CDKL4: variants seen among roughly 807,000 people sequenced by gnomAD.
CDKL4 encodes cyclin-dependent kinase-like 4.
In CDKL4, 44 loss-of-function variants were observed where a neutral mutation model predicts 42.0. That is an observed-to-expected ratio of 1.05 (90% CI 0.82 to 1.35). CDKL4 has a LOEUF of 1.35. Among genes scored for constraint, CDKL4 ranks in the 40% most tolerant of loss-of-function variants. The probability of loss-of-function intolerance (pLI) is 0.00; values close to 1 mark genes in which losing one functional copy is unlikely to be tolerated. For synonymous variants in CDKL4, 120 were observed against 121.6 expected, an observed-to-expected ratio of 0.99 and a Z score of 0.09; for missense variants, 393 against 369.9, an observed-to-expected ratio of 1.06 and a Z score of -0.51.
intron 5 of CDKL4, among the ~76,000 whole-genome samples, chr2:39,196,340 C>G (rs1377901056): frequency 1.3e-5 from 2 of 152,166 alleles, no homozygotes; most frequent in Admixed American, 6.5e-5. Context: ...GATCACATCA[C>G]GGGACTCTTT....
At chr2:39,180,686 C>CTTT (rs1167370938) in intron 8 of CDKL4, among the ~76,000 whole-genome samples, 39 of 121,062 alleles carry the variant, frequency 3.2e-4, no homozygotes, top group African/African-American at 6.4e-4. Context: ...GAGAGAAAGA[C>CTTT]TTTTTTTTTT....
downstream of CDKL4, among the ~76,000 whole-genome samples, chr2:39,175,288 T>C (rs1476480141): frequency 1.3e-5 from 2 of 152,196 alleles, no homozygotes; most frequent in South Asian, 2.1e-4. Flanking sequence ...AATGGTGATA[T>C]AGCAAAGGAC....
intron 1 of CDKL4, among the ~76,000 whole-genome samples, chr2:39,230,313 C>T (rs112290956): frequency 0.026 from 3,931 of 152,346 alleles, 70 homozygotes; most frequent in African/African-American, 0.038. Flanking sequence ...CATTGCACTC[C>T]AGCTTGGGCA....
chr2:39,179,022 T>C, intron 9 of CDKL4, 165 bp downstream of exon 9: 1 of 1,470,990 alleles, frequency 6.8e-7, no homozygotes, highest in South Asian at 1.5e-5. Flanking sequence ...CATAGTTCTA[T>C]GGTTTTATTA....
chr2:39,185,415 C>T (rs149416421), intron 7 of CDKL4, among the ~76,000 whole-genome samples: 9 of 6,330 alleles, frequency 1.4e-3, no homozygotes, highest in Non-Finnish European at 5.6e-3. Flanking sequence ...TGTATATATA[C>T]ATATATATAT....
At chr2:39,204,874 T>C (rs1433704504) in intron 4 of CDKL4, among the ~76,000 whole-genome samples, 1 of 152,162 alleles carries the variant, frequency 6.6e-6, no homozygotes, top group African/African-American at 2.4e-5. Context: ...TGTCTTTTTT[T>C]TTTTTTAAAG....
downstream of CDKL4, among the ~76,000 whole-genome samples, chr2:39,170,857 A>G (rs1243366967): frequency 6.6e-6 from 1 of 152,138 alleles, no homozygotes; most frequent in Non-Finnish European, 1.5e-5. Flanking sequence ...GAATTCTGTG[A>G]CCAGGATTAG....
At chr2:39,221,013 G>GTTGTTTTTGT in intron 3 of CDKL4, among the ~76,000 whole-genome samples, 1 of 73,774 alleles carries the variant, frequency 1.4e-5, no homozygotes, top group Non-Finnish European at 2.5e-5. Context: ...TTTTTTTTTT[G>GTTGTTTTTGT]TTTTGTTTTT....
intron 4 of CDKL4, among the ~76,000 whole-genome samples, chr2:39,209,396 T>G (rs1166846938): frequency 6.6e-6 from 1 of 151,766 alleles, no homozygotes; most frequent in African/African-American, 2.4e-5. Context: ...TATATAAAAA[T>G]CCCTGGGTTC....
chr2:39,224,043 ATATT>A (rs1434206605), intron 3 of CDKL4, among the ~76,000 whole-genome samples: 1 of 152,214 alleles, frequency 6.6e-6, no homozygotes, highest in Non-Finnish European at 1.5e-5. Context: ...TTGAATAAAT[ATATT>A]TATTAATTGG....
In CDKL4 at chr2:39,178,829, G is replaced by T. The variant is rs1675277322; in HGVS notation, c.927+358C>A. The T allele has an allele frequency of 2.0e-6, 3 of 1,529,318 alleles. No homozygotes were observed. The South Asian group carries it at 3.8e-5, about 19-fold the overall frequency. 94.7% of individuals were successfully genotyped at this position (1,529,318 alleles called of 1,614,324 possible). A position where few individuals can be genotyped will look rare whatever the true frequency, so the allele number is the denominator to read the frequency against. ...TCTGGAGGCTACAGAAAGGCACTTG[G>T]ATTCCTTTGCAATGCTGGCAAAACT... On this transcript the variant is annotated intron_variant, in intron 9 of 9. Coordinates refer to ENST00000451199, the Ensembl canonical transcript of CDKL4.
chr2:39,170,760 G>C (rs935989671), downstream of CDKL4, among the ~76,000 whole-genome samples: 1 of 151,866 alleles, frequency 6.6e-6, no homozygotes, highest in East Asian at 1.9e-4. Flanking sequence ...TGGTCCCCCA[G>C]TTTTTTAAGG....
chr2:39,176,184 G>C, intron 9 of CDKL4, 88 bp from the exon 10 acceptor site: 1 of 383,858 alleles, frequency 2.6e-6, no homozygotes, highest in East Asian at 7.4e-5. Flanking sequence ...AAGACAAGCA[G>C]ATACTTATGG....
chr2:39,195,003 T>C (rs1459187650), intron 5 of CDKL4, among the ~76,000 whole-genome samples: 2 of 152,126 alleles, frequency 1.3e-5, no homozygotes, highest in African/African-American at 4.8e-5. Flanking sequence ...TAACCACTAT[T>C]CTTTTTTGTC....
chr2:39,192,423 C>G lies in CDKL4; in HGVS notation c.455-1921G>C, dbSNP rs111324983. ...TCCCCCAGGCTAAAATGCAGTGGCA[C>G]AATCATAGCTCACTGCAGCTTTGAA... On this transcript the variant is annotated intron_variant, in intron 5 of 9. Transcript: ENST00000451199. 1.2e-3 allele frequency among the ~76,000 whole-genome samples: 189 copies of G among 152,220 alleles called. 3 individuals carry two copies. The highest frequency in any genetic ancestry group is 4.4e-3 in the African/African-American group (183 of 41,546).
At chr2:39,208,346 C>G (rs975569160) in intron 4 of CDKL4, among the ~76,000 whole-genome samples, 1 of 144,606 alleles carries the variant, frequency 6.9e-6, no homozygotes, top group East Asian at 2.0e-4. Flanking sequence ...TTATACACAG[C>G]TTTTTTTTTT....
intron 1 of CDKL4, among the ~76,000 whole-genome samples, chr2:39,238,167 A>G (rs890641725): frequency 1.3e-5 from 2 of 152,226 alleles, no homozygotes; most frequent in African/African-American, 2.4e-5. Context: ...GTGGTGGCAC[A>G]TGCCTGTAAT....
Position 39,198,603 on chromosome 2 carries a change from A to G in CDKL4, c.454+5924T>C, listed in dbSNP as rs1027601318. Among the ~76,000 whole-genome samples the G allele has an allele frequency of 3.9e-5, 6 of 152,080 alleles. No homozygotes were observed. The South Asian group carries it at 1.2e-3, about 32-fold the overall frequency. ...CCATATAATAGGCCACAAAATAAAA[A>G]AATTTAAGAAAATTGAAATTATAGC... is the stretch of plus-strand genomic sequence containing the variant. On this transcript the variant is annotated intron_variant, in intron 5 of 9. Transcript: ENST00000451199.
chr2:39,192,591 C>T lies in CDKL4; in HGVS notation c.455-2089G>A, dbSNP rs143742485. ...TCTCACTATGTTGCTCAGGCCTGTACAAGTACTTTTGATCATACTACATAC... is the reference window on the plus strand; with the variant it reads ...TCTCACTATGTTGCTCAGGCCTGTATAAGTACTTTTGATCATACTACATAC... On this transcript the variant is annotated intron_variant, in intron 5 of 9. Transcript: ENST00000451199. 1.5e-3 allele frequency among the ~76,000 whole-genome samples: 222 copies of T among 150,480 alleles called. 1 individual carries two copies. The highest frequency in any genetic ancestry group is 5.1e-3 in the African/African-American group (208 of 41,016).
Sources: gnomAD v4.1 joint callset for allele counts (sites outside exome capture counted in the v4.1 genomes callset) on GRCh38, gnomAD v4.1.1 for gene constraint, MANE v1.5 for transcripts, NCBI Gene and HGNC (gene_info 2026-07-23, HGNC 2026-07-21) for gene names.